The following ZBTB24 variants were observed in gnomAD, a reference collection of about 807,000 sequenced individuals.
The protein encoded by ZBTB24 is zinc finger and BTB domain containing 24.
ZBTB24 carries 32 observed loss-of-function variants against 53.8 expected under a neutral mutation model. The observed-to-expected ratio is 0.60, with a 90% CI of 0.45 to 0.80. The LOEUF (loss-of-function observed/expected upper bound fraction) is 0.80, where lower values mean the gene tolerates loss of function less well. Ranked by LOEUF, ZBTB24 falls within the 30% of genes least tolerant of loss-of-function variation. The probability of loss-of-function intolerance (pLI) is 0.00; values close to 1 mark genes in which losing one functional copy is unlikely to be tolerated. For synonymous variants in ZBTB24, 297 were observed against 306.7 expected, an observed-to-expected ratio of 0.97 and a Z score of 0.33; for missense variants, 722 against 837.1, an observed-to-expected ratio of 0.86 and a Z score of 1.70.
intron 2 of ZBTB24, among the ~76,000 whole-genome samples, chr6:109,478,160 T>C (rs1776318622): frequency 1.3e-5 from 2 of 152,060 alleles, no homozygotes; most frequent in Non-Finnish European, 2.9e-5. Context: ...TCCCCAAATC[T>C]CCGTGATTTA....
intron 5 of ZBTB24, among the ~76,000 whole-genome samples, chr6:109,468,801 G>A (rs1776106784): frequency 1.3e-5 from 2 of 151,982 alleles, no homozygotes; most frequent in South Asian, 2.1e-4. Flanking sequence ...GAACCCACCA[G>A]GCTTCACTAA....
At position 109,481,990 on chromosome 6, in the gene ZBTB24, C is replaced by T. The variant is rs766841300; in HGVS notation, c.37G>A (p.Val13Ile). The T allele has an allele frequency of 7.4e-6, 12 of 1,614,102 alleles. No individual in the cohort carries two copies. Among genetic ancestry groups the T allele is most frequent in the African/African-American group, 1.3e-5 (1 of 74,926 alleles). The change falls in exon 2 of 7, where the codon GTT becomes ATT. Residue 13 changes from valine (V) to isoleucine (I), a missense_variant. Coordinates refer to ENST00000230122, the MANE Select transcript of ZBTB24 (RefSeq NM_014797.3). ...ETSPEPSGQL[V>I]VHSDAHSDTV... ...TCACTGTGAGCGTCTGAGTGTACAA[C>T]AAGCTGCCCAGAAGGCTCTGGCGAT... is the stretch of plus-strand genomic sequence containing the variant.
rs140291495 is a variant in ZBTB24 at position 109,475,953 on chromosome 6, C to G, written c.1204+222G>C. 1.7e-3 allele frequency among the ~76,000 whole-genome samples: 252 copies of G among 152,338 alleles called. 4 individuals are homozygous for G. The highest frequency in any genetic ancestry group is 6.8e-3 in the Middle Eastern group (2 of 294). On this transcript the variant is annotated intron_variant, in intron 4 of 6. Transcript: ENST00000230122. ...GAAAGATGCCAATTCTGTAGGGTTT[C>G]TGTGTGTGGCACCAAAACTGTAGTA...
chr6:109,477,838 CAGTGG>C (rs1776311994), intron 2 of ZBTB24, among the ~76,000 whole-genome samples: 1 of 152,162 alleles, frequency 6.6e-6, no homozygotes, highest in Non-Finnish European at 1.5e-5. Flanking sequence ...AAGCGTCTTC[CAGTGG>C]AACATGAGAG....
intron 5 of ZBTB24, among the ~76,000 whole-genome samples, chr6:109,469,347 A>C (rs1037205603): frequency 6.6e-6 from 1 of 152,194 alleles, no homozygotes; most frequent in African/African-American, 2.4e-5. Context: ...ATCATCCATA[A>C]CAACATTAAC....
At chr6:109,471,416 C>T (rs1776162706) in intron 5 of ZBTB24, among the ~76,000 whole-genome samples, 1 of 152,208 alleles carries the variant, frequency 6.6e-6, no homozygotes, top group Non-Finnish European at 1.5e-5. Context: ...AATGGATGGT[C>T]TCAACACACA....
chr6:109,468,549 A>G (rs1776102625), intron 5 of ZBTB24, among the ~76,000 whole-genome samples: 2 of 152,140 alleles, frequency 1.3e-5, no homozygotes, highest in African/African-American at 4.8e-5. Context: ...CACCAAGAGC[A>G]CTACAAACCT....
intron 5 of ZBTB24, among the ~76,000 whole-genome samples, chr6:109,474,625 T>G (rs955134546): frequency 2.6e-5 from 4 of 151,278 alleles, no homozygotes; most frequent in African/African-American, 9.8e-5. Flanking sequence ...TCCCAGCTAC[T>G]AGGGAGGCTG....
intron 5 of ZBTB24, among the ~76,000 whole-genome samples, chr6:109,472,793 C>T (rs567564382): frequency 1.4e-4 from 21 of 152,312 alleles, no homozygotes; most frequent in African/African-American, 4.6e-4. Flanking sequence ...CTTAGTCTTC[C>T]CTAGCTTTTC....
intron 4 of ZBTB24, 83 bp downstream of exon 4, chr6:109,476,092 G>GA: frequency 6.7e-7 from 1 of 1,499,354 alleles, no homozygotes; most frequent in Non-Finnish European, 9.3e-7. Context: ...GCTAAGAGCA[G>GA]AACAATATAA....
chr6:109,478,456 G>A (rs1776325057), intron 2 of ZBTB24, among the ~76,000 whole-genome samples: 4 of 152,094 alleles, frequency 2.6e-5, no homozygotes, highest in Admixed American at 1.3e-4. Context: ...CAATTCATCT[G>A]CATCTCATTA....
In ZBTB24 at chr6:109,463,388, C is replaced by G. The variant is rs866001740; in HGVS notation, c.*2463G>C. ...TCCTTGTTTCTCTTTGACAGCTGGT[C>G]AAATAATTCAGGCATAGCTAGGACT... On this transcript the variant is annotated 3_prime_UTR_variant, in exon 7 of 7. Coordinates refer to ENST00000230122, the MANE Select transcript of ZBTB24 (RefSeq NM_014797.3). 1 of 152,154 alleles carries G rather than the reference C, an allele frequency of 6.6e-6. No homozygotes were observed. The highest frequency in any genetic ancestry group is 2.4e-5 in the African/African-American group (1 of 41,420). 9.4% of individuals were successfully genotyped at this position (152,154 alleles called of 1,614,324 possible). A position where few individuals can be genotyped will look rare whatever the true frequency, so the allele number is the denominator to read the frequency against.
chr6:109,477,863 G>A (rs1019075455), intron 2 of ZBTB24, among the ~76,000 whole-genome samples: 8 of 152,240 alleles, frequency 5.3e-5, no homozygotes, highest in Admixed American at 3.9e-4. Context: ...GGTCCAAGGT[G>A]AGAGAGCAAA....
In ZBTB24 at chr6:109,465,602, G is replaced by C; in HGVS notation, c.*249C>G. ...AGAAAAACTACCCGAGTCTTTATGA[G>C]ACATTGCAGATTAAAATGAAAACCA... On this transcript the variant is annotated 3_prime_UTR_variant, in exon 7 of 7. Transcript: ENST00000230122. 1 of 1,505,008 alleles carries C rather than the reference G, an allele frequency of 6.6e-7. No homozygotes were observed. The highest frequency in any genetic ancestry group is 8.9e-7 in the Non-Finnish European group (1 of 1,120,662). 93.2% of individuals were successfully genotyped at this position (1,505,008 alleles called of 1,614,324 possible).
chr6:109,481,809 C>A lies in ZBTB24; in HGVS notation c.218G>T (p.Gly73Val), dbSNP rs759731227. 7 of 1,614,200 alleles carry A rather than the reference C, an allele frequency of 4.3e-6. No individual in the cohort carries two copies. In the South Asian group the frequency reaches 7.7e-5, roughly 18 times the overall value. ...SMMFAEEGEI[G>V]QSIYMLEGMV... Reference sequence around the variant, plus strand: ...GCCTTCCAGCATATAAATGGATTGGCCGATTTCCCCCTCTTCTGCAAACAT... The same window carrying A: ...GCCTTCCAGCATATAAATGGATTGGACGATTTCCCCCTCTTCTGCAAACAT... The change falls in exon 2 of 7, where the codon GGC (glycine) becomes GTC (valine). Residue 73 changes from glycine to valine, a missense_variant. Physicochemically the swap from Gly to Val is moderately radical, Grantham distance 109. Coordinates refer to ENST00000230122, the MANE Select transcript of ZBTB24 (RefSeq NM_014797.3).
chr6:109,472,908 C>A (rs769678599), intron 5 of ZBTB24, among the ~76,000 whole-genome samples: 5 of 152,164 alleles, frequency 3.3e-5, no homozygotes, highest in Non-Finnish European at 7.4e-5. Context: ...CCACCTGACA[C>A]CACCTCTGCT....
In ZBTB24 at chr6:109,463,574, T is replaced by G. The variant is rs1775957882; in HGVS notation, c.*2277A>C. 2 of 152,210 alleles carry G rather than the reference T, an allele frequency of 1.3e-5. No individual in the cohort carries two copies. The allele number at this position is 152,210 out of a possible 1,614,324, so 9.4% of individuals were successfully genotyped here. On this transcript the variant is annotated 3_prime_UTR_variant, in exon 7 of 7. Coordinates refer to ENST00000230122, the MANE Select transcript of ZBTB24 (RefSeq NM_014797.3). ...TTTAAACTGATACTTATTTCAATTC[T>G]TGAAAAAAACTTTTGTCTTAGCTAC...
In ZBTB24 at chr6:109,481,869, G is replaced by A. The variant is rs142076523; in HGVS notation, c.158C>T (p.Ala53Val). The change falls in exon 2 of 7, where the codon GCC becomes GTC. Residue 53 changes from alanine to valine, a missense_variant. Coordinates refer to ENST00000230122, the MANE Select transcript of ZBTB24 (RefSeq NM_014797.3). ...GTATTCACTACTGGCAGCAAGTAAG[G>A]CTTTGTGGGCCCGGAAATGTACATT... Reference protein sequence around the residue: ...VENVHFRAHKALLAASSEYFS... With the variant: ...VENVHFRAHKVLLAASSEYFS... The A allele has an allele frequency of 8.7e-6, 14 of 1,614,044 alleles. No homozygotes were observed. In the African/African-American group the frequency reaches 1.7e-4, roughly 20 times the overall value.
chr6:109,468,151 A>G (rs1280584666), intron 5 of ZBTB24, among the ~76,000 whole-genome samples: 1 of 151,918 alleles, frequency 6.6e-6, no homozygotes, highest in African/African-American at 2.4e-5. Context: ...GTTTATATCA[A>G]CCTTCCAAAT....
Sources: gnomAD v4.1 joint callset for allele counts (sites outside exome capture counted in the v4.1 genomes callset) on GRCh38, gnomAD v4.1.1 for gene constraint, MANE v1.5 for transcripts, NCBI Gene and HGNC (gene_info 2026-07-23, HGNC 2026-07-21) for gene names.